The following PLA2R1 variants were observed in gnomAD, a reference collection of about 807,000 sequenced individuals.
The protein encoded by PLA2R1 is secretory phospholipase A2 receptor.
A neutral mutation model predicts 195.9 loss-of-function variants in PLA2R1; 158 were observed. The ratio of observed to expected loss-of-function variants is 0.81; its 90% CI spans 0.71 to 0.92. The LOEUF (loss-of-function observed/expected upper bound fraction) is 0.92, where lower values mean the gene tolerates loss of function less well. Ranked by LOEUF, PLA2R1 falls within the 40% of genes least tolerant of loss-of-function variation. The pLI is 0.00. For synonymous variants in PLA2R1, 586 were observed against 598.2 expected (o/e 0.98, Z 0.30); for missense variants, 1,626 against 1,764.6 (o/e 0.92, Z 1.41).
chr2:160,049,031 C>T (rs936927436), intron 1 of PLA2R1, among the ~76,000 whole-genome samples: 3 of 151,850 alleles, frequency 2.0e-5, no homozygotes, highest in African/African-American at 7.2e-5. Context: ...TTAGTAGAGA[C>T]GGGGTTTCAC....
intron 3 of PLA2R1, among the ~76,000 whole-genome samples, chr2:160,038,885 G>A (rs1321916990): frequency 1.3e-5 from 2 of 151,894 alleles, no homozygotes; most frequent in Admixed American, 6.6e-5. Flanking sequence ...GCAGGCGGGC[G>A]GCGACAGAGT....
At chr2:160,033,916 C>T (rs4665138) in intron 3 of PLA2R1, among the ~76,000 whole-genome samples, 53,713 of 151,988 alleles carry the variant, frequency 0.35, 11,816 homozygotes, top group Non-Finnish European at 0.5. Context: ...AGAATGTGAG[C>T]CATACTGCAG....
At chr2:159,959,431 C>A (rs2105183662) in intron 20 of PLA2R1, among the ~76,000 whole-genome samples, 1 of 152,274 alleles carries the variant, frequency 6.6e-6, no homozygotes, top group Admixed American at 6.5e-5. Context: ...TTTACTAACA[C>A]ACTCCGAAAT....
intron 3 of PLA2R1, among the ~76,000 whole-genome samples, chr2:160,035,755 C>G (rs1047990514): frequency 1.3e-5 from 2 of 152,146 alleles, no homozygotes; most frequent in African/African-American, 4.8e-5. Flanking sequence ...GAAGTGCATA[C>G]GTAGAATGAC....
At chr2:159,942,189 G>T in intron 28 of PLA2R1, 30 bp from the exon 29 acceptor site, 1 of 1,584,774 alleles carries the variant, frequency 6.3e-7, no homozygotes, top group Admixed American at 1.7e-5. Context: ...TTAAAATGAG[G>T]TTTTTCTTTT....
At chr2:160,025,177 C>A (rs140280745) in intron 6 of PLA2R1, among the ~76,000 whole-genome samples, 91 of 152,182 alleles carry the variant, frequency 6.0e-4, no homozygotes, top group African/African-American at 2.1e-3. Flanking sequence ...TCATTTATAT[C>A]TCTACTATGA....
At position 159,976,051 on chromosome 2, in the gene PLA2R1, G is replaced by A. The variant is rs751693752; in HGVS notation, c.2595+17C>T. ...TGCTAAACTCTGAATTTTTCGTGGT[G>A]AGTTATGTTCAAGTACCGCTTTTAT... On this transcript the variant is annotated intron_variant, in intron 17 of 29. Coordinates refer to ENST00000283243, the MANE Select transcript of PLA2R1 (RefSeq NM_007366.5). 12 of 1,594,654 alleles carry A rather than the reference G, an allele frequency of 7.5e-6. No homozygotes were observed. Among genetic ancestry groups the A allele is most frequent in the Non-Finnish European group, 8.6e-6 (10 of 1,167,062 alleles).
chr2:159,937,706 G>C lies in PLA2R1; in HGVS notation c.*4072C>G, dbSNP rs746650990. The C allele has an allele frequency of 2.6e-5, 4 of 152,210 alleles. No homozygotes were observed. The highest frequency in any genetic ancestry group is 4.4e-5 in the Non-Finnish European group (3 of 68,036). The allele number at this position is 152,210 out of a possible 1,614,324, so 9.4% of individuals were successfully genotyped here. A position where few individuals can be genotyped will look rare whatever the true frequency, so the allele number is the denominator to read the frequency against. On this transcript the variant is annotated 3_prime_UTR_variant, in exon 30 of 30. Coordinates refer to ENST00000283243, the MANE Select transcript of PLA2R1 (RefSeq NM_007366.5). ...CAGTGGATGAGATAAATTTTCAAAT[G>C]AAAGTAGCACTCCAGCTGTTCCACT...
chr2:159,930,690 C>T (rs923002371), downstream of PLA2R1, among the ~76,000 whole-genome samples: 5 of 152,202 alleles, frequency 3.3e-5, no homozygotes, highest in African/African-American at 9.6e-5. Context: ...GTTGTGCTTA[C>T]AGCAGATCCT....
At chr2:160,041,488 G>A (rs1694515522) in intron 3 of PLA2R1, among the ~76,000 whole-genome samples, 1 of 152,220 alleles carries the variant, frequency 6.6e-6, no homozygotes, top group Admixed American at 6.5e-5. Flanking sequence ...GTTATAGCCA[G>A]AAGGTAAATA....
rs998734924 is a variant in PLA2R1 at position 159,939,238 on chromosome 2, T to A, written c.*2540A>T. On this transcript the variant is annotated 3_prime_UTR_variant, in exon 30 of 30. Coordinates refer to ENST00000283243, the MANE Select transcript of PLA2R1 (RefSeq NM_007366.5). ...AAAATACAGATGAGGCCAGGTGCGGTGGCTCATGCCTGTAATCTTAGCACT... is the reference window on the plus strand; with the variant it reads ...AAAATACAGATGAGGCCAGGTGCGGAGGCTCATGCCTGTAATCTTAGCACT... The A allele has an allele frequency of 3.3e-5, 5 of 152,108 alleles. No individual in the cohort carries two copies. Among genetic ancestry groups the A allele is most frequent in the Non-Finnish European group, 7.3e-5 (5 of 68,036 alleles). The allele number at this position is 152,108 out of a possible 1,614,324, so 9.4% of individuals were successfully genotyped here. A position where few individuals can be genotyped will look rare whatever the true frequency, so the allele number is the denominator to read the frequency against.
intron 10 of PLA2R1, among the ~76,000 whole-genome samples, chr2:160,006,711 G>A (rs1390220076): frequency 6.6e-6 from 1 of 152,180 alleles, no homozygotes; most frequent in East Asian, 1.9e-4. Flanking sequence ...TGAAACAGTG[G>A]CGACTTCTGG....
At position 159,977,381 on chromosome 2, in the gene PLA2R1, T is replaced by C; in HGVS notation, c.2304A>G (p.Gly768=). ...VSSFLDNTYF[G]EDARNCAVYK... is the part of the protein sequence containing the mutation. ...AAACAGCACAGTTTCTTGCATCTTC[T>C]CCAAAATAAGTGTTGTCTAAAAACG... The change falls in exon 15 of 30, where the codon GGA becomes GGG. Residue 768 remains glycine (G), a synonymous_variant. Coordinates refer to ENST00000283243, the MANE Select transcript of PLA2R1 (RefSeq NM_007366.5). The C allele has an allele frequency of 1.2e-6, 2 of 1,612,996 alleles. No homozygotes were observed. Among genetic ancestry groups the C allele is most frequent in the Non-Finnish European group, 1.7e-6 (2 of 1,179,142 alleles).
intron 9 of PLA2R1, among the ~76,000 whole-genome samples, chr2:160,015,867 T>C (rs913635407): frequency 6.6e-6 from 1 of 152,212 alleles, no homozygotes; most frequent in Non-Finnish European, 1.5e-5. Context: ...AATTAAAGCA[T>C]AGTTGCATAA....
At chr2:159,948,220 A>G (rs970659821) in intron 25 of PLA2R1, among the ~76,000 whole-genome samples, 9 of 152,020 alleles carry the variant, frequency 5.9e-5, no homozygotes, top group Non-Finnish European at 1.2e-4. Context: ...AAACCTTTAA[A>G]AATATTTTTT....
At chr2:160,031,828 A>G (rs1693870196) in intron 4 of PLA2R1, among the ~76,000 whole-genome samples, 1 of 152,190 alleles carries the variant, frequency 6.6e-6, no homozygotes, top group Non-Finnish European at 1.5e-5. Context: ...GTGCAATGGC[A>G]TGATCTTGGC....
intron 1 of PLA2R1, among the ~76,000 whole-genome samples, chr2:160,046,735 T>A (rs576636096): frequency 6.6e-6 from 1 of 151,654 alleles, no homozygotes; most frequent in Non-Finnish European, 1.5e-5. Flanking sequence ...GGGGGTGGGG[T>A]GGGGAAAATG....
intron 17 of PLA2R1, 74 bp downstream of exon 17, chr2:159,975,994 A>ATCCC (rs1250561238): frequency 1.0e-6 from 1 of 967,472 alleles, no homozygotes; most frequent in Non-Finnish European, 1.6e-6. Context: ...CGAAAAAACT[A>ATCCC]TCCCTCCCTC....
Position 160,011,814 on chromosome 2 carries a change from G to A in PLA2R1, c.1664+1449C>T, listed in dbSNP as rs577605438. Among the ~76,000 whole-genome samples, 5 of 152,286 alleles carry A rather than the reference G, an allele frequency of 3.3e-5. No individual in the cohort carries two copies. The South Asian group carries it at 1.0e-3, about 32-fold the overall frequency. ...TTCTGCCTGTTAGCCAAACCTGGGA[G>A]GAGAAAGGTAGAACTAAAAACAATG... On this transcript the variant is annotated intron_variant, in intron 10 of 29. Transcript: ENST00000283243.
Sources: gnomAD v4.1 joint callset for allele counts (sites outside exome capture counted in the v4.1 genomes callset) on GRCh38, gnomAD v4.1.1 for gene constraint, MANE v1.5 for transcripts, NCBI Gene and HGNC (gene_info 2026-07-23, HGNC 2026-07-21) for gene names.